The following NTRK2 variants were observed in gnomAD, a reference collection of about 807,000 sequenced individuals.
NTRK2 encodes neurotrophic receptor tyrosine kinase 2, also known as BDNF/NT-3 growth factors receptor.
In NTRK2, 13 loss-of-function variants were observed where a neutral mutation model predicts 94.5. That is an observed-to-expected ratio of 0.14 (90% CI 0.09 to 0.22). The LOEUF (loss-of-function observed/expected upper bound fraction) is 0.22. Among genes scored for constraint, NTRK2 ranks in the 10% least tolerant of loss-of-function variants. NTRK2 has a pLI of 1.00. For missense variants in NTRK2, 639 were observed against 1,071.2 expected, an observed-to-expected ratio of 0.60 and a Z score of 5.63; for synonymous variants, 372 against 407.4, an observed-to-expected ratio of 0.91 and a Z score of 1.05.
intron 14 of NTRK2, among the ~76,000 whole-genome samples, chr9:84,917,743 G>A (rs909567507): frequency 6.6e-5 from 10 of 152,104 alleles, no homozygotes; most frequent in Admixed American, 5.2e-4. Flanking sequence ...AAAAAGAAAG[G>A]GTTTTTCCTA....
At chr9:84,755,041 T>C (rs543002185) in intron 12 of NTRK2, among the ~76,000 whole-genome samples, 3 of 152,288 alleles carry the variant, frequency 2.0e-5, no homozygotes, top group South Asian at 4.2e-4. Context: ...CTTTATGGAT[T>C]GGCCTGAGAT....
chr9:84,752,470 C>T (rs2064719833), intron 12 of NTRK2, among the ~76,000 whole-genome samples: 1 of 152,200 alleles, frequency 6.6e-6, no homozygotes, highest in Admixed American at 6.5e-5. Context: ...ACATTTGATT[C>T]CCAAATCTTC....
intron 2 of NTRK2, among the ~76,000 whole-genome samples, chr9:84,672,317 CG>C (rs2058751461): frequency 6.6e-6 from 1 of 152,110 alleles, no homozygotes; most frequent in South Asian, 2.1e-4. Context: ...AGCCAACTGT[CG>C]GGCTGAGTCC....
chr9:84,834,694 C>T (rs969032103), intron 12 of NTRK2, among the ~76,000 whole-genome samples: 9 of 152,252 alleles, frequency 5.9e-5, no homozygotes, highest in African/African-American at 2.2e-4. Context: ...TAGTTCAAGC[C>T]CACTGACTGC....
chr9:84,783,558 G>T (rs988667394), intron 12 of NTRK2, among the ~76,000 whole-genome samples: 6 of 152,140 alleles, frequency 3.9e-5, no homozygotes, highest in Admixed American at 2.0e-4. Context: ...TGAAGTCAGT[G>T]GATACTTTAA....
At chr9:84,924,678 TTTCCCCCC>T (rs1378626405) in intron 14 of NTRK2, among the ~76,000 whole-genome samples, 4 of 152,250 alleles carry the variant, frequency 2.6e-5, no homozygotes, top group Non-Finnish European at 5.9e-5. Flanking sequence ...TTTCTGGGGC[TTTCCCCCC>T]TTGGCTTTTT....
intron 4 of NTRK2, among the ~76,000 whole-genome samples, chr9:84,704,075 C>T (rs1004117209): frequency 2.2e-4 from 33 of 152,114 alleles, no homozygotes; most frequent in African/African-American, 7.2e-4. Context: ...GTGATTTGGA[C>T]AGTGGGCTCT....
chr9:84,981,606 A>G (rs1017998440), intron 17 of NTRK2, among the ~76,000 whole-genome samples: 4 of 152,120 alleles, frequency 2.6e-5, no homozygotes, highest in Admixed American at 6.6e-5. Context: ...CTGAAAGCTG[A>G]TGTGTTTTTT....
chr9:84,921,147 T>C (rs2077553691), intron 14 of NTRK2, among the ~76,000 whole-genome samples: 1 of 152,190 alleles, frequency 6.6e-6, no homozygotes. Context: ...TCTGACCCTC[T>C]GCAGTATCTT....
chr9:84,748,371 G>A (rs2064281259), intron 11 of NTRK2, among the ~76,000 whole-genome samples: 1 of 152,228 alleles, frequency 6.6e-6, no homozygotes, highest in Non-Finnish European at 1.5e-5. Flanking sequence ...TTTGTTTACA[G>A]ATCCTTAGCT....
intron 12 of NTRK2, among the ~76,000 whole-genome samples, chr9:84,759,299 GCA>G (rs901638850): frequency 6.6e-6 from 1 of 152,212 alleles, no homozygotes; most frequent in Non-Finnish European, 1.5e-5. Flanking sequence ...CTATCTGAGA[GCA>G]GAAGATGCTT....
intron 12 of NTRK2, among the ~76,000 whole-genome samples, chr9:84,836,922 G>A (rs2073903660): frequency 7.4e-6 from 1 of 135,936 alleles, no homozygotes; most frequent in Non-Finnish European, 1.6e-5. Context: ...TAGATTGAGA[G>A]CTTGTCGTAG....
chr9:84,805,872 C>T (rs2071051586), intron 12 of NTRK2, among the ~76,000 whole-genome samples: 1 of 152,184 alleles, frequency 6.6e-6, no homozygotes, highest in South Asian at 2.1e-4. Flanking sequence ...GCATGTCATG[C>T]CCTGTACTGC....
chr9:84,869,525 C>T (rs2075746644), intron 14 of NTRK2, among the ~76,000 whole-genome samples: 2 of 152,138 alleles, frequency 1.3e-5, no homozygotes, highest in African/African-American at 4.8e-5. Flanking sequence ...TTCTTTCCTT[C>T]CCTTCACCCT....
intron 12 of NTRK2, among the ~76,000 whole-genome samples, chr9:84,837,380 A>G (rs2073939262): frequency 6.6e-6 from 1 of 152,156 alleles, no homozygotes; most frequent in South Asian, 2.1e-4. Context: ...TCTGCCGCTC[A>G]CTGGCCAGGT....
intron 15 of NTRK2, among the ~76,000 whole-genome samples, chr9:84,934,879 A>G (rs780199539): frequency 3.3e-5 from 5 of 152,152 alleles, no homozygotes; most frequent in Admixed American, 2.0e-4. Flanking sequence ...ACTAAAATGA[A>G]GACTGAAAGT....
chr9:84,826,314 G>A (rs1346705681), intron 12 of NTRK2, among the ~76,000 whole-genome samples: 1 of 152,150 alleles, frequency 6.6e-6, no homozygotes, highest in Non-Finnish European at 1.5e-5. Flanking sequence ...AGTCACTGCA[G>A]CTGCCTTCAG....
chr9:84,724,397 T>C (rs779333072), intron 8 of NTRK2, 41 bp downstream of exon 8: 1 of 1,613,392 alleles, frequency 6.2e-7, no homozygotes, highest in Non-Finnish European at 8.5e-7. Flanking sequence ...TAGCAAATGA[T>C]CATGGACGTA....
At position 84,727,901 on chromosome 9, in the gene NTRK2, T is replaced by C. The variant is rs201092461; in HGVS notation, c.1101T>C (p.Tyr367=). The change falls in exon 9 of 19, where the codon TAT becomes TAC. Residue 367 remains tyrosine (Y), a synonymous_variant. Transcript: ENST00000277120. ...GDYTLIAKNE[Y]GKDEKQISAH... Reference sequence around the variant, plus strand: ...ACACTCTAATAGCCAAGAATGAGTATGGGAAGGATGAGAAACAGATTTCTG... The same window carrying C: ...ACACTCTAATAGCCAAGAATGAGTACGGGAAGGATGAGAAACAGATTTCTG... The C allele has an allele frequency of 1.2e-6, 2 of 1,614,150 alleles. No individual in the cohort carries two copies. The highest frequency in any genetic ancestry group is 1.3e-5 in the African/African-American group (1 of 75,028).
Sources: allele counts gnomAD v4.1 joint callset (sites outside exome capture counted in the v4.1 genomes callset), GRCh38; gene constraint gnomAD v4.1.1; transcripts MANE v1.5; gene names NCBI Gene and HGNC (gene_info 2026-07-23, HGNC 2026-07-21).